ERC2: variants seen among roughly 807,000 people sequenced by gnomAD.
ERC2 encodes ELKS/RAB6-interacting/CAST family member 2.
Under a neutral mutation model 114.8 loss-of-function variants are expected in ERC2, and 42 were observed. That is an observed-to-expected ratio of 0.37 (90% CI 0.29 to 0.47). ERC2 has a LOEUF of 0.47. ERC2 is among the 20% of genes least tolerant of loss of function. ERC2 has a pLI of 0.99. For synonymous variants in ERC2, 454 were observed against 425.5 expected (o/e 1.07, Z -0.82); for missense variants, 939 against 1,150.7 (o/e 0.82, Z 2.66).
At chr3:55,650,957 C>T (rs2060595710) in intron 17 of ERC2, among the ~76,000 whole-genome samples, 1 of 151,822 alleles carries the variant, frequency 6.6e-6, no homozygotes, top group Non-Finnish European at 1.5e-5. Flanking sequence ...ACCAATTCTC[C>T]CTGCCTCAGC....
chr3:56,373,015 C>G (rs1294573376), intron 2 of ERC2, among the ~76,000 whole-genome samples: 2 of 152,200 alleles, frequency 1.3e-5, no homozygotes, highest in Non-Finnish European at 1.5e-5. Context: ...TGTATCAATT[C>G]TAATTAGATA....
chr3:55,765,374 C>T (rs2067703776), intron 14 of ERC2, among the ~76,000 whole-genome samples: 1 of 152,202 alleles, frequency 6.6e-6, no homozygotes, highest in Non-Finnish European at 1.5e-5. Flanking sequence ...GCCATTGGTG[C>T]TCGTTCAAAC....
chr3:56,073,632 C>T (rs1405694773), intron 7 of ERC2, among the ~76,000 whole-genome samples: 1 of 152,194 alleles, frequency 6.6e-6, no homozygotes, highest in Non-Finnish European at 1.5e-5. Flanking sequence ...ATGTGAACAG[C>T]TCACTGCAAA....
At chr3:56,410,206 A>G (rs2060888429) in intron 2 of ERC2, among the ~76,000 whole-genome samples, 1 of 152,248 alleles carries the variant, frequency 6.6e-6, no homozygotes, top group African/African-American at 2.4e-5. Flanking sequence ...ATTTTGGGAT[A>G]TATATAGAGA....
At chr3:56,257,182 C>T (rs6769152) in intron 3 of ERC2, among the ~76,000 whole-genome samples, 106,685 of 152,032 alleles carry the variant, frequency 0.7, 38,259 homozygotes, top group Non-Finnish European at 0.76. Flanking sequence ...GGTGATCTTC[C>T]GGACACCTCC....
At chr3:56,053,364 G>T (rs1178531375) in intron 7 of ERC2, among the ~76,000 whole-genome samples, 1 of 152,198 alleles carries the variant, frequency 6.6e-6, no homozygotes, top group Non-Finnish European at 1.5e-5. Flanking sequence ...GACTGTGAGG[G>T]ATGGGGAGAA....
At chr3:56,315,500 G>T (rs1249329860) in intron 2 of ERC2, among the ~76,000 whole-genome samples, 1 of 152,068 alleles carries the variant, frequency 6.6e-6, no homozygotes, top group South Asian at 2.1e-4. Context: ...ATTGTATCTG[G>T]ATAATTTTGG....
At chr3:56,329,186 G>T (rs1247535728) in intron 2 of ERC2, among the ~76,000 whole-genome samples, 1 of 152,200 alleles carries the variant, frequency 6.6e-6, no homozygotes, top group East Asian at 1.9e-4. Flanking sequence ...ATGTTTAAAA[G>T]ATTTTGTTAT....
At chr3:56,024,686 G>A (rs1465982192) in intron 7 of ERC2, among the ~76,000 whole-genome samples, 1 of 152,194 alleles carries the variant, frequency 6.6e-6, no homozygotes, top group Non-Finnish European at 1.5e-5. Context: ...AACAAAGCTT[G>A]GAGTCTGGAT....
chr3:55,773,383 T>G (rs1478955334), intron 14 of ERC2, among the ~76,000 whole-genome samples: 1 of 152,240 alleles, frequency 6.6e-6, no homozygotes. Context: ...GGTCTTTTCA[T>G]AATTAAAAAT....
intron 14 of ERC2, among the ~76,000 whole-genome samples, chr3:55,826,849 G>C (rs567189114): frequency 3.9e-4 from 60 of 152,136 alleles, no homozygotes; most frequent in Non-Finnish European, 7.3e-4. Flanking sequence ...CTTTCAAATG[G>C]AAGACTGGCG....
intron 7 of ERC2, among the ~76,000 whole-genome samples, chr3:56,074,189 G>A (rs2076868687): frequency 6.6e-6 from 1 of 152,134 alleles, no homozygotes; most frequent in African/African-American, 2.4e-5. Context: ...CACCAGAATA[G>A]TGTGGTGGTT....
At position 55,663,064 on chromosome 3, in the gene ERC2, C is replaced by A. The variant is rs111871231; in HGVS notation, c.*39+20730G>T. On this transcript the variant is annotated intron_variant, in intron 17 of 17. Coordinates refer to ENST00000288221, the MANE Select transcript of ERC2 (RefSeq NM_015576.3). ...GGTATCTGCCTTTGATTAAATAAAT[C>A]AAGCCTACTAAAATCACAGGAGACA... is the stretch of plus-strand genomic sequence containing the variant. Among the ~76,000 whole-genome samples, 703 of 152,284 alleles carry A rather than the reference C, an allele frequency of 4.6e-3. 9 individuals are homozygous for A. Among genetic ancestry groups the A allele is most frequent in the African/African-American group, 0.016 (673 of 41,554 alleles).
At chr3:56,288,576 C>T (rs1196686729) in intron 3 of ERC2, among the ~76,000 whole-genome samples, 2 of 152,112 alleles carry the variant, frequency 1.3e-5, no homozygotes, top group African/African-American at 4.8e-5. Context: ...TAAAAGAATG[C>T]ATGAGAATTT....
intron 7 of ERC2, among the ~76,000 whole-genome samples, chr3:56,055,760 A>T (rs1470461624): frequency 6.6e-6 from 1 of 152,194 alleles, no homozygotes; most frequent in Non-Finnish European, 1.5e-5. Context: ...AATTCATTCC[A>T]TCCCAACTTC....
chr3:55,952,624 T>C (rs543397578), intron 12 of ERC2, among the ~76,000 whole-genome samples: 3 of 152,244 alleles, frequency 2.0e-5, no homozygotes, highest in Admixed American at 6.5e-5. Context: ...AGTGTGATTG[T>C]TTAATTAGAG....
chr3:56,191,052 A>G (rs1033802752), intron 3 of ERC2, among the ~76,000 whole-genome samples: 1 of 152,218 alleles, frequency 6.6e-6, no homozygotes, highest in Admixed American at 6.5e-5. Context: ...AGGTTGCTCC[A>G]AGATGCCAGG....
chr3:56,283,687 C>T (rs1043229603), intron 3 of ERC2, among the ~76,000 whole-genome samples: 2 of 152,126 alleles, frequency 1.3e-5, no homozygotes, highest in Admixed American at 1.3e-4. Context: ...AAAAAGTGCA[C>T]ATAGGTAGTG....
chr3:56,347,458 T>C lies in ERC2; in HGVS notation c.658-51023A>G, dbSNP rs545690868. Among the ~76,000 whole-genome samples the C allele has an allele frequency of 2.8e-4, 43 of 152,166 alleles. 1 individual carries two copies. The highest frequency in any genetic ancestry group is 2.6e-3 in the Admixed American group (39 of 15,280). On this transcript the variant is annotated intron_variant, in intron 2 of 17. Coordinates refer to ENST00000288221, the MANE Select transcript of ERC2 (RefSeq NM_015576.3). ...GGCCCGTTCCTCCCTGTCTGATTCC[T>C]ATTGGCTTCCTGCCCCTGTGAGCGT...
Sources: gnomAD v4.1 joint callset for allele counts (sites outside exome capture counted in the v4.1 genomes callset) on GRCh38, gnomAD v4.1.1 for gene constraint, MANE v1.5 for transcripts, NCBI Gene and HGNC (gene_info 2026-07-23, HGNC 2026-07-21) for gene names.